Variants in NALF1 observed in about 807,000 individuals in gnomAD.
The protein encoded by NALF1 is family with sequence similarity 155 member A.
In NALF1, 3 loss-of-function variants were observed where a neutral mutation model predicts 48.4. The observed-to-expected ratio is 0.06, with a 90% CI of 0.03 to 0.16. The LOEUF is 0.16. Among genes scored for constraint, NALF1 ranks in the 10% least tolerant of loss-of-function variants. NALF1 has a pLI of 1.00. For missense variants in NALF1, 526 were observed against 571.5 expected, an observed-to-expected ratio of 0.92 and a Z score of 0.81; for synonymous variants, 262 against 245.7, an observed-to-expected ratio of 1.07 and a Z score of -0.62.
At chr13:107,323,665 TACCTGTACTACAGTCG>T (rs1807252528) in intron 1 of NALF1, among the ~76,000 whole-genome samples, 1 of 152,206 alleles carries the variant, frequency 6.6e-6, no homozygotes, top group South Asian at 2.1e-4. Context: ...CAGACTCTAG[TACCTGTACTACAGTCG>T]ACCTGCAATA....
intron 1 of NALF1, among the ~76,000 whole-genome samples, chr13:107,748,190 G>A (rs977790099): frequency 1.3e-5 from 2 of 152,120 alleles, no homozygotes; most frequent in Admixed American, 6.5e-5. Context: ...ATGAAAAGCA[G>A]GGAACTCTTA....
At chr13:107,633,316 G>A (rs542170641) in intron 1 of NALF1, among the ~76,000 whole-genome samples, 15 of 152,002 alleles carry the variant, frequency 9.9e-5, no homozygotes, top group African/African-American at 3.4e-4. Flanking sequence ...GAGTACTCAA[G>A]AACTCATAGA....
At chr13:107,435,424 C>T (rs1884448320) in intron 1 of NALF1, among the ~76,000 whole-genome samples, 1 of 152,118 alleles carries the variant, frequency 6.6e-6, no homozygotes, top group South Asian at 2.1e-4. Context: ...TACACGCAGA[C>T]AGCTGTTTTG....
intron 1 of NALF1, among the ~76,000 whole-genome samples, chr13:107,574,577 C>T (rs1164877842): frequency 1.3e-5 from 2 of 152,202 alleles, no homozygotes; most frequent in Non-Finnish European, 2.9e-5. Flanking sequence ...AAGACCATTA[C>T]TTCTGCATTA....
chr13:107,319,546 T>G (rs1347949927), intron 1 of NALF1, among the ~76,000 whole-genome samples: 1 of 152,102 alleles, frequency 6.6e-6, no homozygotes, highest in Non-Finnish European at 1.5e-5. Flanking sequence ...GTGCTTATGC[T>G]ATTTTCTGCC....
intron 1 of NALF1, among the ~76,000 whole-genome samples, chr13:107,505,628 G>C (rs781721424): frequency 6.6e-6 from 1 of 152,132 alleles, no homozygotes; most frequent in Non-Finnish European, 1.5e-5. Flanking sequence ...AAGTAACAGC[G>C]AGAGAAGAGC....
At chr13:107,607,454 A>G (rs188322746) in intron 1 of NALF1, among the ~76,000 whole-genome samples, 1 of 152,362 alleles carries the variant, frequency 6.6e-6, no homozygotes, top group Admixed American at 6.5e-5. Flanking sequence ...GATATTTTCA[A>G]AACACCAGAG....
chr13:107,244,172 C>A (rs1325109931), intron 1 of NALF1, among the ~76,000 whole-genome samples: 1 of 152,168 alleles, frequency 6.6e-6, no homozygotes, highest in African/African-American at 2.4e-5. Flanking sequence ...TGACTCTGTG[C>A]AATGACATTG....
intron 1 of NALF1, among the ~76,000 whole-genome samples, chr13:107,714,358 C>T (rs1208919737): frequency 2.0e-5 from 3 of 152,056 alleles, no homozygotes; most frequent in African/African-American, 4.8e-5. Context: ...CCCTAAGGCA[C>T]CCCTTTCTCA....
In NALF1 at chr13:107,231,709, T is replaced by C. The variant is rs150531436; in HGVS notation, c.916-20954A>G. 3.9e-3 allele frequency among the ~76,000 whole-genome samples: 589 copies of C among 152,340 alleles called. 6 individuals are homozygous for C. The highest frequency in any genetic ancestry group is 0.013 in the African/African-American group (551 of 41,578). On this transcript the variant is annotated intron_variant, in intron 1 of 2. Transcript: ENST00000375915. ...CCTTGATGGAGAACTATTAATTGTT[T>C]TGTGACTTGGAATATCAAAACTGAT...
intron 1 of NALF1, among the ~76,000 whole-genome samples, chr13:107,831,237 C>T (rs1009338617): frequency 6.6e-6 from 1 of 152,138 alleles, no homozygotes; most frequent in Non-Finnish European, 1.5e-5. Context: ...ATCAAGAAGA[C>T]GATTTGACCT....
At chr13:107,842,101 C>T (rs906923848) in intron 1 of NALF1, among the ~76,000 whole-genome samples, 11 of 151,718 alleles carry the variant, frequency 7.3e-5, no homozygotes, top group African/African-American at 2.4e-4. Context: ...AATTTAACCT[C>T]GATGTGTATA....
At chr13:107,725,050 C>A (rs942530243) in intron 1 of NALF1, among the ~76,000 whole-genome samples, 1 of 152,178 alleles carries the variant, frequency 6.6e-6, no homozygotes, top group Non-Finnish European at 1.5e-5. Context: ...TTGTGTTTGT[C>A]TTACTTCTGG....
intron 1 of NALF1, among the ~76,000 whole-genome samples, chr13:107,661,203 T>C (rs1309801284): frequency 1.3e-5 from 2 of 152,094 alleles, no homozygotes; most frequent in Non-Finnish European, 2.9e-5. Flanking sequence ...TGGATTTGGG[T>C]TTCAGGATTT....
At chr13:107,416,330 T>C (rs983199268) in intron 1 of NALF1, among the ~76,000 whole-genome samples, 2 of 151,992 alleles carry the variant, frequency 1.3e-5, no homozygotes, top group African/African-American at 4.8e-5. Context: ...GCAGATTTTT[T>C]TCAGTGAAAG....
At chr13:107,660,998 C>A (rs897118785) in intron 1 of NALF1, among the ~76,000 whole-genome samples, 1 of 152,128 alleles carries the variant, frequency 6.6e-6, no homozygotes, top group Non-Finnish European at 1.5e-5. Context: ...TTCTTCATTG[C>A]ATAATTTTAT....
chr13:107,453,159 C>T (rs1884770638), intron 1 of NALF1, among the ~76,000 whole-genome samples: 1 of 152,184 alleles, frequency 6.6e-6, no homozygotes, highest in African/African-American at 2.4e-5. Flanking sequence ...GGGTATGCAG[C>T]ATGGTGGCCC....
chr13:107,866,310 C>T lies in NALF1; in HGVS notation c.287G>A (p.Arg96Gln), dbSNP rs1288310602. 5 of 1,602,754 alleles carry T rather than the reference C, an allele frequency of 3.1e-6. No homozygotes were observed. Among genetic ancestry groups the T allele is most frequent in the African/African-American group, 1.3e-5 (1 of 74,616 alleles). ...QRQRQQQQQQ[R>Q]RQQEPSWPAL... ...GGGCCAGGAGGGCTCCTGCTGCCGCCGCTGCTGCTGCTGCTGCTGCCGCTG... is the reference window on the plus strand; with the variant it reads ...GGGCCAGGAGGGCTCCTGCTGCCGCTGCTGCTGCTGCTGCTGCTGCCGCTG... The change falls in exon 1 of 3, where the codon CGG becomes CAG. Residue 96 changes from arginine (R) to glutamine (Q), a missense_variant. Arg to Gln is a conservative substitution (Grantham distance 43). This residue lies in a region of NALF1 where 373 missense variants were observed against 355.5 expected (regional missense o/e 1.05). Coordinates refer to ENST00000375915, the MANE Select transcript of NALF1 (RefSeq NM_001080396.3). This position sits in a 1 kb window ranked among gnomAD's most constrained non-coding sequence, Gnocchi z 4.4.
intron 2 of NALF1, among the ~76,000 whole-genome samples, chr13:107,201,311 T>C (rs1879512916): frequency 6.6e-6 from 1 of 152,214 alleles, no homozygotes; most frequent in South Asian, 2.1e-4. Context: ...CACAATGAAA[T>C]GCTACATCTT....
Sources: allele counts gnomAD v4.1 joint callset (sites outside exome capture counted in the v4.1 genomes callset), GRCh38; gene constraint gnomAD v4.1.1; regional missense constraint gnomAD v4.1.1; non-coding constraint Gnocchi (gnomAD v3.1); transcripts MANE v1.5; gene names NCBI Gene and HGNC (gene_info 2026-07-23, HGNC 2026-07-21).